RGS12: variants seen among roughly 807,000 people sequenced by gnomAD.
RGS12 encodes the protein regulator of G-protein signaling 12.
A neutral mutation model predicts 120.1 loss-of-function variants in RGS12; 66 were observed. The observed-to-expected ratio is 0.55, with a 90% CI of 0.45 to 0.67. RGS12 has a LOEUF of 0.67. RGS12 is among the 30% of genes least tolerant of loss of function. RGS12 has a pLI of 0.00. For synonymous variants in RGS12, 827 were observed against 804.7 expected, an observed-to-expected ratio of 1.03 and a Z score of -0.47; for missense variants, 1,859 against 1,957.7, an observed-to-expected ratio of 0.95 and a Z score of 0.95.
intron 3 of RGS12, among the ~76,000 whole-genome samples, chr4:3,362,684 GGTGT>G (rs1279194478): frequency 3.1e-5 from 4 of 127,826 alleles, no homozygotes; most frequent in African/African-American, 6.3e-5. Context: ...TGAGGGTGAG[GGTGT>G]GTGTGAGGGT....
At chr4:3,338,954 C>T (rs1051780177) in intron 2 of RGS12, among the ~76,000 whole-genome samples, 1 of 152,110 alleles carries the variant, frequency 6.6e-6, no homozygotes, top group African/African-American at 2.4e-5. Flanking sequence ...CACGAGTAAA[C>T]GCTGGTCTCT....
rs767570950 is a variant in RGS12 at position 3,431,127 on chromosome 4, G to A, written c.4114+172G>A. The A allele has an allele frequency of 2.4e-5, 34 of 1,434,110 alleles. No individual in the cohort carries two copies. In the South Asian group the frequency reaches 2.5e-4, roughly 11 times the overall value. The allele number at this position is 1,434,110 out of a possible 1,614,324, so 88.8% of individuals were successfully genotyped here. ...TGGCCCTCTTGGAAAGGAGGGGCTC[G>A]TGTGGCCCCAGGCCAGTGTCTGTCA... On this transcript the variant is annotated intron_variant, in intron 17 of 17. Coordinates refer to ENST00000336727, the MANE Select transcript of RGS12 (RefSeq NM_001394154.1).
chr4:3,422,431 G>T lies in RGS12; in HGVS notation c.2894G>T (p.Cys965Phe). ...PEKDKATKHCCIHLPDGTSCV... is the reference protein window; with the variant it reads ...PEKDKATKHCFIHLPDGTSCV... ...AAGGACAAGGCCACCAAGCACTGCT[G>T]CATTCATCTCCCGGATGGGACATCC... Residue 965 changes from cysteine to phenylalanine, a missense_variant, in exon 11 of 18, where the codon TGC becomes TTC. Cys to Phe is a radical substitution (Grantham distance 205). Around this residue, in one of 3 missense-constraint regions of RGS12, gnomAD observed 375 missense variants for 475.0 expected, o/e 0.79. Coordinates refer to ENST00000336727, the MANE Select transcript of RGS12 (RefSeq NM_001394154.1). The T allele has an allele frequency of 6.2e-7, 1 of 1,613,136 alleles. No individual in the cohort carries two copies. The highest frequency in any genetic ancestry group is 8.5e-7 in the Non-Finnish European group (1 of 1,179,982).
At chr4:3,352,941 T>G (rs1481406189) in intron 3 of RGS12, among the ~76,000 whole-genome samples, 1 of 152,192 alleles carries the variant, frequency 6.6e-6, no homozygotes, top group East Asian at 1.9e-4. Flanking sequence ...AGACAAGAGT[T>G]GTGAGTTAAA....
rs200267242 is a variant in RGS12 at position 3,416,080 on chromosome 4, C to T, written c.2386C>T (p.Arg796Cys). 6.3e-5 allele frequency: 101 copies of T among 1,614,110 alleles called. No homozygotes were observed. The highest frequency in any genetic ancestry group is 6.0e-4 in the Admixed American group (36 of 60,018). ...SQAQLADDVL[R>C]APHPDMFKEQ... ...GGCCCAGCTAGCAGACGACGTCCTC[C>T]GCGCACCTCACCCAGACATGTTCAA... The change falls in exon 7 of 18, where the codon CGC becomes TGC. Residue 796 changes from arginine to cysteine, a missense_variant. Coordinates refer to ENST00000336727, the MANE Select transcript of RGS12 (RefSeq NM_001394154.1).
chr4:3,342,688 T>C, intron 2 of RGS12: 1 of 881,924 alleles, frequency 1.1e-6, no homozygotes, highest in Non-Finnish European at 1.6e-6. Context: ...AGGTGGAGGC[T>C]TTGTCAGAGG....
rs1221278638 is a variant in RGS12, at chr4:3,439,662, C to G, written c.4322C>G (p.Ala1441Gly). The part of the protein sequence containing the change: ...PGEPAKPKTS[A>G]HHATFV Reference sequence around the variant, plus strand: ...GAGCCTGCTAAGCCCAAGACCAGCGCTCACCACGCCACCTTCGTCTGAGCT... The same window carrying G: ...GAGCCTGCTAAGCCCAAGACCAGCGGTCACCACGCCACCTTCGTCTGAGCT... Residue 1441 changes from alanine (A) to glycine (G), a missense_variant, in exon 18 of 18, where the codon GCT becomes GGT. Transcript: ENST00000336727. The G allele has an allele frequency of 6.5e-7, 1 of 1,549,524 alleles. No homozygotes were observed. Among genetic ancestry groups the G allele is most frequent in the South Asian group, 1.3e-5 (1 of 79,982 alleles).
At chr4:3,325,282 A>G (rs990998330) in intron 2 of RGS12, among the ~76,000 whole-genome samples, 20 of 152,212 alleles carry the variant, frequency 1.3e-4, no homozygotes, top group African/African-American at 4.8e-4. Flanking sequence ...GGTTACTTTT[A>G]TAATTTATTA....
At chr4:3,431,493 C>T (rs773681742) in intron 17 of RGS12, 197 of 988,058 alleles carry the variant, frequency 2.0e-4, no homozygotes, top group Non-Finnish European at 2.2e-4. Flanking sequence ...TGTGGGTGCT[C>T]GGGAGTGGAG....
At chr4:3,413,949 T>C in intron 4 of RGS12, 123 bp from the exon 5 acceptor site, 2 of 976,910 alleles carry the variant, frequency 2.0e-6, no homozygotes, top group Middle Eastern at 2.2e-4. Flanking sequence ...AGTTGTTGAC[T>C]GAATGGGTGT....
rs1392365657 is a variant in RGS12, at chr4:3,374,734, C to T, written c.1999-11682C>T. On this transcript the variant is annotated intron_variant, in intron 3 of 17. Transcript: ENST00000336727. The surrounding 1 kb of genome is among the most constrained non-coding windows in gnomAD (Gnocchi z 6.3). ...CTCACCCCCATTGCTGCAGCCTGCC[C>T]TCGTCCCCATCTCTTGCCTGGAGCA... Among the ~76,000 whole-genome samples the T allele has an allele frequency of 2.6e-5, 4 of 152,168 alleles. No homozygotes were observed. Among genetic ancestry groups the T allele is most frequent in the Middle Eastern group, 3.4e-3 (1 of 294 alleles).
chr4:3,422,952 G>T lies in RGS12; in HGVS notation c.3081G>T (p.Leu1027=). 1.2e-6 allele frequency: 2 copies of T among 1,613,344 alleles called. No individual in the cohort carries two copies. Among genetic ancestry groups the T allele is most frequent in the Non-Finnish European group, 1.7e-6 (2 of 1,179,992 alleles). Residue 1027 remains leucine, a synonymous_variant, in exon 12 of 18, where the codon CTG becomes CTT. Transcript: ENST00000336727. ...GTAGCATCTTGGAGTCAAGGGACCT[G>T]CGCCTAGAAAAGCGCACCTTGTTTC... The part of the protein sequence containing the change: ...QDSSILESRD[L]RLEKRTLFRL...
chr4:3,295,957 T>C (rs139630469), intron 1 of RGS12, among the ~76,000 whole-genome samples: 1 of 152,312 alleles, frequency 6.6e-6, no homozygotes, highest in African/African-American at 2.4e-5. Flanking sequence ...GGGCTGAAAC[T>C]GGTGTCATCG....
chr4:3,353,449 A>G (rs1471824226), intron 3 of RGS12, among the ~76,000 whole-genome samples: 2 of 152,214 alleles, frequency 1.3e-5, no homozygotes, highest in Non-Finnish European at 2.9e-5. Flanking sequence ...ACCGTGATCC[A>G]TCTGAACTTT....
chr4:3,351,507 G>A (rs1268571506), intron 3 of RGS12, among the ~76,000 whole-genome samples: 1 of 152,024 alleles, frequency 6.6e-6, no homozygotes, highest in Non-Finnish European at 1.5e-5. Context: ...ATCGTTGGTT[G>A]CCATAGATTT....
intron 4 of RGS12, among the ~76,000 whole-genome samples, chr4:3,410,129 A>G (rs1157491580): frequency 3.9e-5 from 6 of 152,246 alleles, no homozygotes; most frequent in African/African-American, 1.4e-4. Context: ...CTCATAATGC[A>G]GAAACTTCAT....
At chr4:3,370,278 G>A (rs751323378) in intron 3 of RGS12, 2 of 1,613,842 alleles carry the variant, frequency 1.2e-6, no homozygotes, top group African/African-American at 2.7e-5. Flanking sequence ...ATGAATTTGG[G>A]GAAAGAGTTG....
chr4:3,420,794 TG>T (rs1421134864), intron 10 of RGS12, 76 bp downstream of exon 10: 2 of 1,207,518 alleles, frequency 1.7e-6, no homozygotes, highest in Non-Finnish European at 2.4e-6. Flanking sequence ...CTCTCTCCCA[TG>T]GAAACCTGTG....
upstream of RGS12, among the ~76,000 whole-genome samples, chr4:3,289,851 ACT>A (rs988687108): frequency 1.3e-5 from 2 of 151,548 alleles, no homozygotes; most frequent in African/African-American, 4.9e-5. Flanking sequence ...CCTGCATCCT[ACT>A]CTCTGTTTCT....
Sources: allele counts gnomAD v4.1 joint callset (sites outside exome capture counted in the v4.1 genomes callset), GRCh38; gene constraint gnomAD v4.1.1; regional missense constraint gnomAD v4.1.1; non-coding constraint Gnocchi (gnomAD v3.1); transcripts MANE v1.5; gene names NCBI Gene and HGNC (gene_info 2026-07-23, HGNC 2026-07-21).